SLC24A3: variants seen among roughly 807,000 people sequenced by gnomAD.
The protein encoded by SLC24A3 is solute carrier family 24 member 3, also known as sodium/potassium/calcium exchanger 3.
SLC24A3 carries 28 observed loss-of-function variants against 75.8 expected under a neutral mutation model. That is an observed-to-expected ratio of 0.37 (90% CI 0.27 to 0.51). The LOEUF is 0.51. Ranked by LOEUF, SLC24A3 falls within the 20% of genes least tolerant of loss-of-function variation. The probability of loss-of-function intolerance (pLI) is 0.94; values close to 1 mark genes in which losing one functional copy is unlikely to be tolerated. For synonymous variants in SLC24A3, 372 were observed against 334.1 expected, an observed-to-expected ratio of 1.11 and a Z score of -1.24; for missense variants, 663 against 847.8, an observed-to-expected ratio of 0.78 and a Z score of 2.71.
At chr20:19,219,907 G>A (rs185929866) in intron 1 of SLC24A3, among the ~76,000 whole-genome samples, 3 of 152,296 alleles carry the variant, frequency 2.0e-5, no homozygotes, top group Admixed American at 6.5e-5. Context: ...CAGACACTGC[G>A]GGGGACCATC....
In SLC24A3 at chr20:19,401,336, A is replaced by G. The variant is rs184194188; in HGVS notation, c.272-114152A>G. 3.7e-3 allele frequency among the ~76,000 whole-genome samples: 566 copies of G among 152,362 alleles called. 1 individual carries two copies. The highest frequency in any genetic ancestry group is 5.8e-3 in the Non-Finnish European group (393 of 68,032). ...AGAACAGCTCATGCAGCAAACTGCCATGAGTGACAGAGGAACCGATGAAAG... is the reference window on the plus strand; with the variant it reads ...AGAACAGCTCATGCAGCAAACTGCCGTGAGTGACAGAGGAACCGATGAAAG... On this transcript the variant is annotated intron_variant, in intron 2 of 16. Transcript: ENST00000328041.
chr20:19,277,672 A>C (rs1983527042), intron 1 of SLC24A3, among the ~76,000 whole-genome samples: 1 of 152,210 alleles, frequency 6.6e-6, no homozygotes, highest in Non-Finnish European at 1.5e-5. Context: ...AGGTTTTGGA[A>C]TCCAGAGGTG....
intron 2 of SLC24A3, among the ~76,000 whole-genome samples, chr20:19,299,074 T>C (rs561624738): frequency 2.0e-5 from 3 of 152,306 alleles, no homozygotes; most frequent in African/African-American, 7.2e-5. Flanking sequence ...CTGCCAGTCA[T>C]TGCTAAGTTC....
chr20:19,648,149 G>A (rs753045936), intron 6 of SLC24A3, among the ~76,000 whole-genome samples: 2 of 152,184 alleles, frequency 1.3e-5, no homozygotes, highest in Non-Finnish European at 2.9e-5. Context: ...CAGTAGTACT[G>A]AGACTGCCCT....
chr20:19,611,526 G>A (rs995490908), intron 6 of SLC24A3, among the ~76,000 whole-genome samples: 20 of 152,182 alleles, frequency 1.3e-4, no homozygotes, highest in Admixed American at 1.3e-3. Flanking sequence ...AATATACCTG[G>A]CTGCAGCAGA....
Position 19,425,286 on chromosome 20 carries a change from G to C in SLC24A3, c.272-90202G>C, listed in dbSNP as rs530261819. 2.0e-3 allele frequency among the ~76,000 whole-genome samples: 288 copies of C among 146,582 alleles called. 1 individual carries two copies. The highest frequency in any genetic ancestry group is 7.9e-3 in the Admixed American group (113 of 14,394). On this transcript the variant is annotated intron_variant, in intron 2 of 16. Coordinates refer to ENST00000328041, the MANE Select transcript of SLC24A3 (RefSeq NM_020689.4). ...CCACTGCACTCCAGCCTAGGTGACAGAGTGAGACTCCGTCTCAAAAAAAAA... is the reference window on the plus strand; with the variant it reads ...CCACTGCACTCCAGCCTAGGTGACACAGTGAGACTCCGTCTCAAAAAAAAA...
rs377148401 is a variant in SLC24A3 at position 19,353,465 on chromosome 20, A to G, written c.271+72378A>G. Reference sequence around the variant, plus strand: ...TTTAGTAGGTGACAAATATGTCATCAGATTACATCCTAGAATTAACTGGAA... The same window carrying G: ...TTTAGTAGGTGACAAATATGTCATCGGATTACATCCTAGAATTAACTGGAA... On this transcript the variant is annotated intron_variant, in intron 2 of 16. Transcript: ENST00000328041. 6.6e-5 allele frequency among the ~76,000 whole-genome samples: 10 copies of G among 152,358 alleles called. No individual in the cohort carries two copies. The East Asian group carries it at 1.7e-3, about 26-fold the overall frequency.
chr20:19,463,928 C>T (rs1233966525), intron 2 of SLC24A3, among the ~76,000 whole-genome samples: 1 of 152,170 alleles, frequency 6.6e-6, no homozygotes, highest in Non-Finnish European at 1.5e-5. Context: ...GGCCCTGGTG[C>T]TTTTTCTGCC....
intron 3 of SLC24A3, among the ~76,000 whole-genome samples, chr20:19,554,142 T>G (rs2030746654): frequency 6.6e-6 from 1 of 152,048 alleles, no homozygotes; most frequent in Non-Finnish European, 1.5e-5. Context: ...AGTGCCAAGT[T>G]TAAACTGAGA....
At chr20:19,366,424 C>G (rs901266294) in intron 2 of SLC24A3, among the ~76,000 whole-genome samples, 3 of 152,198 alleles carry the variant, frequency 2.0e-5, no homozygotes, top group Non-Finnish European at 4.4e-5. Context: ...AAGGAGGCCT[C>G]TGAAGAGTTT....
Position 19,443,940 on chromosome 20 carries a change from G to C in SLC24A3, c.272-71548G>C, listed in dbSNP as rs186620364. Among the ~76,000 whole-genome samples, 11 of 152,276 alleles carry C rather than the reference G, an allele frequency of 7.2e-5. No individual in the cohort carries two copies. In the East Asian group the frequency reaches 1.7e-3, roughly 24 times the overall value. On this transcript the variant is annotated intron_variant, in intron 2 of 16. Transcript: ENST00000328041. ...ACAGGAGTGCTTGAGAGTTAATAAA[G>C]TATCTTGTTTCTTACCATTAATGTT...
intron 2 of SLC24A3, among the ~76,000 whole-genome samples, chr20:19,371,631 C>G (rs780690551): frequency 3.3e-5 from 5 of 152,178 alleles, no homozygotes; most frequent in Non-Finnish European, 2.9e-5. Flanking sequence ...TCCCCACACT[C>G]TCCATATGGC....
chr20:19,277,649 G>A (rs79973585), intron 1 of SLC24A3, among the ~76,000 whole-genome samples: 6 of 152,174 alleles, frequency 3.9e-5, no homozygotes, highest in Admixed American at 3.9e-4. Context: ...CTTTTGTTGA[G>A]ATAAAAGTTT....
Position 19,212,891 on chromosome 20 carries a change from C to T in SLC24A3, c.49C>T (p.Arg17Cys), listed in dbSNP as rs1475381587. 1 of 1,304,830 alleles carries T rather than the reference C, an allele frequency of 7.7e-7. No individual in the cohort carries two copies. The highest frequency in any genetic ancestry group is 3.1e-5 in the East Asian group (1 of 32,370). 80.8% of individuals were successfully genotyped at this position (1,304,830 alleles called of 1,614,324 possible). A position where few individuals can be genotyped will look rare whatever the true frequency, so the allele number is the denominator to read the frequency against. Residue 17 changes from arginine to cysteine, a missense_variant, in exon 1 of 17, where the codon CGC becomes TGC. Physicochemically the swap from Arg to Cys is radical, Grantham distance 180. Around this residue, in one of 2 missense-constraint regions of SLC24A3, gnomAD observed 153 missense variants for 144.2 expected, o/e 1.06. Transcript: ENST00000328041. Reference sequence around the variant, plus strand: ...CCGCGCGCGTCGCCGCCGCCGCCGCCGCCGCCGGAGGGACCTTCTGCTGAG... The same window carrying T: ...CCGCGCGCGTCGCCGCCGCCGCCGCTGCCGCCGGAGGGACCTTCTGCTGAG... The part of the protein sequence containing the change: ...EDRARRRRRR[R>C]RRRDLLLSQL...
At chr20:19,348,777 C>A (rs1985495165) in intron 2 of SLC24A3, among the ~76,000 whole-genome samples, 1 of 152,150 alleles carries the variant, frequency 6.6e-6, no homozygotes, top group Admixed American at 6.5e-5. Context: ...CACACACAGA[C>A]TGCTTGCTGT....
At chr20:19,667,031 T>C (rs954519844) in intron 8 of SLC24A3, among the ~76,000 whole-genome samples, 3 of 152,198 alleles carry the variant, frequency 2.0e-5, no homozygotes, top group Admixed American at 6.5e-5. Flanking sequence ...TTGAAAGCTG[T>C]GAATGAGCCA....
intron 2 of SLC24A3, among the ~76,000 whole-genome samples, chr20:19,281,915 T>C (rs1183496538): frequency 6.6e-6 from 1 of 152,098 alleles, no homozygotes; most frequent in African/African-American, 2.4e-5. Context: ...TGGGATGGAG[T>C]AGGTCTGTAG....
chr20:19,579,897 T>G, intron 3 of SLC24A3, 103 bp from the exon 4 acceptor site: 1 of 780,908 alleles, frequency 1.3e-6, no homozygotes, highest in Non-Finnish European at 2.1e-6. Context: ...GGTGTTGAAT[T>G]CATGATGACA....
Position 19,459,826 on chromosome 20 carries a change from C to G in SLC24A3, c.272-55662C>G, listed in dbSNP as rs562477643. ...AATCACCTCCCACCCCCATTTGGAC[C>G]AAGGCTGAGATGGCAAATGGCAGAC... On this transcript the variant is annotated intron_variant, in intron 2 of 16. Transcript: ENST00000328041. Among the ~76,000 whole-genome samples the G allele has an allele frequency of 1.6e-4, 24 of 152,274 alleles. No homozygotes were observed. In the South Asian group the frequency reaches 4.8e-3, roughly 30 times the overall value.
Sources: gnomAD v4.1 joint callset for allele counts (sites outside exome capture counted in the v4.1 genomes callset) on GRCh38, gnomAD v4.1.1 for gene constraint, gnomAD v4.1.1 regional missense constraint, MANE v1.5 for transcripts, NCBI Gene and HGNC (gene_info 2026-07-23, HGNC 2026-07-21) for gene names.